The following RORA variants were observed in gnomAD, a reference collection of about 807,000 sequenced individuals.
RORA encodes the protein nuclear receptor ROR-alpha.
In RORA, 7 loss-of-function variants were observed where a neutral mutation model predicts 69.5. The observed-to-expected ratio is 0.10, with a 90% confidence interval of 0.06 to 0.19. The LOEUF is 0.19. RORA is among the 10% of genes least tolerant of loss of function. The pLI, the probability that RORA is intolerant of heterozygous loss-of-function variation, is 1.00. For missense variants in RORA, 457 were observed against 663.0 expected, an observed-to-expected ratio of 0.69 and a Z score of 3.41; for synonymous variants, 261 against 240.8, an observed-to-expected ratio of 1.08 and a Z score of -0.78.
intron 1 of RORA, among the ~76,000 whole-genome samples, chr15:60,964,936 G>A (rs550232542): frequency 6.6e-6 from 1 of 152,208 alleles, no homozygotes; most frequent in South Asian, 2.1e-4. Context: ...GAGACTCTTG[G>A]GAACCATAAG....
At chr15:60,788,763 C>G (rs529533335) in intron 1 of RORA, among the ~76,000 whole-genome samples, 15 of 152,326 alleles carry the variant, frequency 9.8e-5, no homozygotes, top group African/African-American at 3.6e-4. Flanking sequence ...CACCCACGGC[C>G]CATCCAAACC....
intron 1 of RORA, among the ~76,000 whole-genome samples, chr15:60,880,093 G>T (rs920076586): frequency 6.6e-6 from 1 of 152,144 alleles, no homozygotes; most frequent in African/African-American, 2.4e-5. Context: ...GAGCAGTTCT[G>T]CCTCCCTCAG....
intron 2 of RORA, among the ~76,000 whole-genome samples, chr15:60,650,937 T>C (rs1056716944): frequency 6.6e-6 from 1 of 152,168 alleles, no homozygotes; most frequent in African/African-American, 2.4e-5. Flanking sequence ...AGCCCAAAGT[T>C]ATACAATAAA....
intron 1 of RORA, among the ~76,000 whole-genome samples, chr15:61,138,051 G>A (rs2079261982): frequency 6.6e-6 from 1 of 152,074 alleles, no homozygotes; most frequent in Non-Finnish European, 1.5e-5. Context: ...TGAGTCATTT[G>A]GGAAGAATAA....
chr15:60,594,372 C>T (rs1353548880), intron 2 of RORA, among the ~76,000 whole-genome samples: 1 of 152,228 alleles, frequency 6.6e-6, no homozygotes, highest in East Asian at 1.9e-4. Flanking sequence ...CCAAGCTATC[C>T]TATAAGCAGG....
Position 61,131,238 on chromosome 15 carries a change from T to C in RORA, c.166+97815A>G, listed in dbSNP as rs74020860. On this transcript the variant is annotated intron_variant, in intron 1 of 10. Coordinates refer to ENST00000335670, the MANE Select transcript of RORA (RefSeq NM_134261.3). This position sits in a 1 kb window ranked among gnomAD's most constrained non-coding sequence, Gnocchi z 4.2. ...TTACCAGGATCTATGTCACTAACTC[T>C]CTAGGTGGCCTCATCCCACTTGTGA... 2.3e-3 allele frequency among the ~76,000 whole-genome samples: 356 copies of C among 152,366 alleles called. 2 individuals are homozygous for C. The highest frequency in any genetic ancestry group is 8.4e-3 in the African/African-American group (350 of 41,592).
intron 1 of RORA, among the ~76,000 whole-genome samples, chr15:60,766,107 G>T (rs959742414): frequency 6.6e-6 from 1 of 151,994 alleles, no homozygotes; most frequent in Non-Finnish European, 1.5e-5. Context: ...ATATTATCTG[G>T]GCAGGAGTCA....
intron 1 of RORA, among the ~76,000 whole-genome samples, chr15:60,843,132 C>A (rs528537840): frequency 2.0e-4 from 31 of 152,316 alleles, no homozygotes; most frequent in Admixed American, 8.5e-4. Flanking sequence ...TGCTGTTCTG[C>A]TGCAAGGAAA....
intron 1 of RORA, among the ~76,000 whole-genome samples, chr15:60,946,159 C>G (rs935007202): frequency 1.3e-5 from 2 of 152,180 alleles, no homozygotes; most frequent in Non-Finnish European, 2.9e-5. Context: ...CACAGCGTCC[C>G]CCACCCTGAG....
chr15:60,679,135 G>C (rs1007887025), intron 1 of RORA, among the ~76,000 whole-genome samples: 1 of 152,030 alleles, frequency 6.6e-6, no homozygotes, highest in African/African-American at 2.4e-5. Context: ...TAATGAAAAC[G>C]ACCCTTCCTC....
chr15:60,957,600 G>A (rs1454724679), intron 1 of RORA, among the ~76,000 whole-genome samples: 3 of 152,208 alleles, frequency 2.0e-5, no homozygotes, highest in African/African-American at 7.2e-5. Flanking sequence ...CAGTCCCTGA[G>A]GGGGCTATAG....
chr15:60,492,602 T>C lies in RORA; in HGVS notation c.*4853A>G, dbSNP rs1384678660. 6.6e-6 allele frequency: 1 copy of C among 152,182 alleles called. No homozygotes were observed. Among genetic ancestry groups the C allele is most frequent in the East Asian group, 1.9e-4 (1 of 5,206 alleles). 9.4% of individuals were successfully genotyped at this position (152,182 alleles called of 1,614,324 possible). ...GATTTTAAAATTTTCATCCTTAATA[T>C]GTAGAATTTGAAATAGTTTTTAACA... On this transcript the variant is annotated 3_prime_UTR_variant, in exon 11 of 11. Coordinates refer to ENST00000335670, the MANE Select transcript of RORA (RefSeq NM_134261.3).
intron 1 of RORA, among the ~76,000 whole-genome samples, chr15:60,831,148 G>C (rs1366800389): frequency 1.3e-5 from 2 of 152,210 alleles, no homozygotes; most frequent in African/African-American, 4.8e-5. Context: ...TGAACAACTA[G>C]TTTCCAAATG....
chr15:60,500,587 G>T (rs892229782), intron 9 of RORA, among the ~76,000 whole-genome samples: 3 of 151,832 alleles, frequency 2.0e-5, no homozygotes, highest in African/African-American at 7.3e-5. Context: ...CATCTAAATG[G>T]ATTTTAACAA....
chr15:61,010,480 CG>C (rs1243088353), intron 1 of RORA, among the ~76,000 whole-genome samples: 1 of 152,112 alleles, frequency 6.6e-6, no homozygotes, highest in African/African-American at 2.4e-5. Context: ...TACTCTCTAT[CG>C]AAGAAACAAA....
At chr15:60,935,083 G>A (rs1892482099) in intron 1 of RORA, among the ~76,000 whole-genome samples, 1 of 152,298 alleles carries the variant, frequency 6.6e-6, no homozygotes, top group African/African-American at 2.4e-5. Flanking sequence ...GGGCCCTCAG[G>A]AAATATTTTC....
chr15:60,526,304 C>T (rs191981271), intron 3 of RORA, among the ~76,000 whole-genome samples: 1 of 152,252 alleles, frequency 6.6e-6, no homozygotes, highest in East Asian at 1.9e-4. Context: ...TGTGCTTTGC[C>T]ATACTCAGAT....
chr15:60,997,705 T>C (rs1894603106), intron 1 of RORA, among the ~76,000 whole-genome samples: 1 of 152,224 alleles, frequency 6.6e-6, no homozygotes, highest in South Asian at 2.1e-4. Flanking sequence ...ATGTTGCTGC[T>C]GTCCCATCTA....
At chr15:60,951,709 C>T (rs1893102973) in intron 1 of RORA, among the ~76,000 whole-genome samples, 1 of 152,106 alleles carries the variant, frequency 6.6e-6, no homozygotes, top group Non-Finnish European at 1.5e-5. Flanking sequence ...ATAAATTCCT[C>T]GACACATAAA....
Sources: gnomAD v4.1 joint callset for allele counts (sites outside exome capture counted in the v4.1 genomes callset) on GRCh38, gnomAD v4.1.1 for gene constraint, Gnocchi (gnomAD v3.1) non-coding constraint, MANE v1.5 for transcripts, NCBI Gene and HGNC (gene_info 2026-07-23, HGNC 2026-07-21) for gene names.